GLI3: variants seen among roughly 807,000 people sequenced by gnomAD.
The protein encoded by GLI3 is GLI family zinc finger 3, also known as transcription activator GLI3.
Under a neutral mutation model 100.8 loss-of-function variants are expected in GLI3, and 20 were observed. The ratio of observed to expected loss-of-function variants is 0.20; its 90% CI spans 0.14 to 0.29. The LOEUF (loss-of-function observed/expected upper bound fraction) is 0.29, where lower values mean the gene tolerates loss of function less well. GLI3 is among the 10% of genes least tolerant of loss of function. The pLI is 1.00. For synonymous variants in GLI3, 938 were observed against 860.5 expected (o/e 1.09, Z -1.58); for missense variants, 2,040 against 2,128.5 (o/e 0.96, Z 0.82).
At chr7:42,074,034 C>T (rs899103693) in intron 4 of GLI3, among the ~76,000 whole-genome samples, 4 of 152,168 alleles carry the variant, frequency 2.6e-5, no homozygotes, top group African/African-American at 7.2e-5. Context: ...ACTTATCATA[C>T]CTCAGAAGGT....
intron 2 of GLI3, among the ~76,000 whole-genome samples, chr7:42,214,601 A>C (rs1562789032): frequency 6.6e-6 from 1 of 151,866 alleles, no homozygotes. Context: ...TCTACCTGAG[A>C]CAAAGTCCAA....
intron 2 of GLI3, among the ~76,000 whole-genome samples, chr7:42,190,434 C>A (rs1787804376): frequency 6.6e-6 from 1 of 152,000 alleles, no homozygotes; most frequent in Non-Finnish European, 1.5e-5. Context: ...TTTCAAAATT[C>A]TATGCAATTA....
At chr7:42,248,053 C>A (rs1788993521) in intron 1 of GLI3, among the ~76,000 whole-genome samples, 1 of 152,180 alleles carries the variant, frequency 6.6e-6, no homozygotes, top group African/African-American at 2.4e-5. Flanking sequence ...ATAGATGGAA[C>A]ACTCTGGAAA....
intron 2 of GLI3, among the ~76,000 whole-genome samples, chr7:42,178,354 C>T (rs577325362): frequency 6.6e-6 from 1 of 152,324 alleles, no homozygotes; most frequent in South Asian, 2.1e-4. Flanking sequence ...ATTCCATAGT[C>T]ATTGTAAAAG....
At chr7:42,129,864 C>A (rs1324970498) in intron 3 of GLI3, among the ~76,000 whole-genome samples, 1 of 152,108 alleles carries the variant, frequency 6.6e-6, no homozygotes, top group African/African-American at 2.4e-5. Flanking sequence ...CGGACACACC[C>A]GTGACAGTCA....
chr7:42,214,997 AG>A (rs1465848619), intron 2 of GLI3, among the ~76,000 whole-genome samples: 3 of 152,216 alleles, frequency 2.0e-5, no homozygotes, highest in Admixed American at 2.0e-4. Context: ...ACTAACACTA[AG>A]TTTTGCTAAC....
intron 3 of GLI3, among the ~76,000 whole-genome samples, chr7:42,109,574 A>G (rs1785654419): frequency 6.6e-6 from 1 of 152,226 alleles, no homozygotes; most frequent in African/African-American, 2.4e-5. Flanking sequence ...GGCATTTTCC[A>G]GTTGAGCATT....
intron 3 of GLI3, among the ~76,000 whole-genome samples, chr7:42,113,792 A>G (rs1785777110): frequency 6.6e-6 from 1 of 152,248 alleles, no homozygotes; most frequent in Non-Finnish European, 1.5e-5. Context: ...TGTCCCTAAT[A>G]GAATGTCTCT....
chr7:42,190,801 A>G (rs113454779), intron 2 of GLI3, among the ~76,000 whole-genome samples: 107 of 152,340 alleles, frequency 7.0e-4, no homozygotes, highest in African/African-American at 2.3e-3. Flanking sequence ...CAATACTAGC[A>G]TATCAAGTTA....
chr7:42,195,902 G>A (rs1238355228), intron 2 of GLI3, among the ~76,000 whole-genome samples: 1 of 152,236 alleles, frequency 6.6e-6, no homozygotes, highest in Non-Finnish European at 1.5e-5. Context: ...CAGTGTGTCA[G>A]TTTCTATGTA....
chr7:42,200,056 C>T (rs1324486251), intron 2 of GLI3, among the ~76,000 whole-genome samples: 4 of 151,968 alleles, frequency 2.6e-5, no homozygotes, highest in Non-Finnish European at 4.4e-5. Context: ...AACTCTGTCT[C>T]AAAAAAGGAC....
chr7:42,215,196 G>A (rs1374591363), intron 2 of GLI3, among the ~76,000 whole-genome samples: 1 of 152,108 alleles, frequency 6.6e-6, no homozygotes, highest in Non-Finnish European at 1.5e-5. Context: ...GAACCGTTCT[G>A]TGTCTCGATG....
In GLI3 at chr7:42,087,788, ATCCATTGAAAT is replaced by A. The variant is rs556903632; in HGVS notation, c.368-10942_368-10932del. Among the ~76,000 whole-genome samples the A allele has an allele frequency of 5.3e-5, 8 of 151,928 alleles. No individual in the cohort carries two copies. In the East Asian group the frequency reaches 1.2e-3, roughly 22 times the overall value. ...AATGCTATTATTGTTACGCTTTGGAATCCATTGAAATTCCAGCATGTTTACTGCACACTGGG... is the reference window on the plus strand; with the variant it reads ...AATGCTATTATTGTTACGCTTTGGAATCCAGCATGTTTACTGCACACTGGG... On this transcript the variant is annotated intron_variant, in intron 3 of 14. Coordinates refer to ENST00000395925, the MANE Select transcript of GLI3 (RefSeq NM_000168.6).
At chr7:41,967,007 T>C (rs578008871) in intron 14 of GLI3, among the ~76,000 whole-genome samples, 15 of 152,338 alleles carry the variant, frequency 9.8e-5, no homozygotes, top group East Asian at 3.9e-4. Flanking sequence ...CTTGTGATGG[T>C]ACACAACGCT....
At chr7:42,254,560 A>T (rs1173952608) in intron 1 of GLI3, among the ~76,000 whole-genome samples, 1 of 152,210 alleles carries the variant, frequency 6.6e-6, no homozygotes, top group African/African-American at 2.4e-5. Flanking sequence ...TATATGGCCT[A>T]CATAGCCTGA....
chr7:42,025,526 G>C (rs2128731677), intron 8 of GLI3, 149 bp from the exon 9 acceptor site: 1 of 698,940 alleles, frequency 1.4e-6, no homozygotes, highest in South Asian at 1.5e-5. Flanking sequence ...AGTGTAAGCA[G>C]AGTTCAGATA....
Position 42,223,278 on chromosome 7 carries a change from T to C in GLI3, c.-25A>G. 2 of 1,608,918 alleles carry C rather than the reference T, an allele frequency of 1.2e-6. No individual in the cohort carries two copies. The highest frequency in any genetic ancestry group is 1.3e-5 in the African/African-American group (1 of 74,688). On this transcript the variant is annotated 5_prime_UTR_variant, in exon 2 of 15. Transcript: ENST00000395925. ...TGATGTCTTCTCATTACTTCAGCTC[T>C]CTTCGACCAAAAATGCCCTAAAGAA...
intron 3 of GLI3, among the ~76,000 whole-genome samples, chr7:42,115,392 G>A (rs1055526491): frequency 6.6e-6 from 1 of 151,990 alleles, no homozygotes; most frequent in Non-Finnish European, 1.5e-5. Flanking sequence ...TGCCCACCTC[G>A]GCCTCCCAAA....
intron 10 of GLI3, among the ~76,000 whole-genome samples, chr7:42,007,357 C>A (rs1313625315): frequency 2.0e-5 from 3 of 150,984 alleles, no homozygotes; most frequent in Non-Finnish European, 2.9e-5. Flanking sequence ...GAAATAAAAA[C>A]AAGATTGAGA....
Sources: allele counts gnomAD v4.1 joint callset (sites outside exome capture counted in the v4.1 genomes callset), GRCh38; gene constraint gnomAD v4.1.1; transcripts MANE v1.5; gene names NCBI Gene and HGNC (gene_info 2026-07-23, HGNC 2026-07-21).